The following NOD2 variants were observed in gnomAD, a reference collection of about 807,000 sequenced individuals.
NOD2 encodes the protein nucleotide-binding oligomerization domain-containing protein 2.
In NOD2, 86 loss-of-function variants were observed where a neutral mutation model predicts 90.9. The ratio of observed to expected loss-of-function variants is 0.95; its 90% CI spans 0.79 to 1.13. The LOEUF is 1.13. NOD2 is among the 50% of genes most tolerant of loss of function. The pLI is 0.00. For synonymous variants in NOD2, 581 were observed against 554.6 expected, an observed-to-expected ratio of 1.05 and a Z score of -0.67; for missense variants, 1,238 against 1,283.8, an observed-to-expected ratio of 0.96 and a Z score of 0.55.
rs977310529 is a variant in NOD2 at position 50,732,336 on chromosome 16, C to T, written c.*517C>T. On this transcript the variant is annotated 3_prime_UTR_variant, in exon 12 of 12. Transcript: ENST00000647318. ...CTGGTTCCTCCCCTCCTCCTGGACT[C>T]CTGCACACGCTCCTTCCTCTGAGGC... 2 of 180,188 alleles carry T rather than the reference C, an allele frequency of 1.1e-5. No individual in the cohort carries two copies. Among genetic ancestry groups the T allele is most frequent in the African/African-American group, 4.7e-5 (2 of 42,522 alleles). 11.2% of individuals were successfully genotyped at this position (180,188 alleles called of 1,614,324 possible). A position where few individuals can be genotyped will look rare whatever the true frequency, so the allele number is the denominator to read the frequency against.
At chr16:50,695,974 A>G (rs765104217) in intron 1 of NOD2, among the ~76,000 whole-genome samples, 2 of 152,076 alleles carry the variant, frequency 1.3e-5, no homozygotes, top group Admixed American at 6.5e-5. Flanking sequence ...GGGAGTGTCA[A>G]GAGAGTGCTT....
intron 2 of NOD2, 99 bp downstream of exon 2, chr16:50,700,053 G>T: frequency 8.4e-7 from 1 of 1,190,668 alleles, no homozygotes; most frequent in Non-Finnish European, 1.2e-6. Flanking sequence ...GGGGTAACTT[G>T]GTCCATGGGA....
intron 1 of NOD2, among the ~76,000 whole-genome samples, chr16:50,695,328 G>A (rs1012611506): frequency 6.6e-6 from 1 of 152,204 alleles, no homozygotes; most frequent in African/African-American, 2.4e-5. Context: ...GGTTTGGGGT[G>A]CAAGAGAAAG....
intron 6 of NOD2, chr16:50,719,658 G>A: frequency 1.6e-6 from 1 of 607,656 alleles, no homozygotes; most frequent in Non-Finnish European, 3.1e-6. Flanking sequence ...CACCTCCCAG[G>A]ACAGCTGCCT....
intron 2 of NOD2, among the ~76,000 whole-genome samples, chr16:50,702,077 G>T (rs986367976): frequency 6.6e-6 from 1 of 152,086 alleles, no homozygotes; most frequent in African/African-American, 2.4e-5. Context: ...TTCCAAGTAG[G>T]TGGGACACAG....
intron 6 of NOD2, among the ~76,000 whole-genome samples, chr16:50,719,363 G>A (rs1027429397): frequency 2.6e-5 from 4 of 152,166 alleles, no homozygotes; most frequent in Admixed American, 6.5e-5. Context: ...GAAGCTCTCC[G>A]AGGTGTCTGG....
chr16:50,723,601 G>A (rs894821945), intron 9 of NOD2, among the ~76,000 whole-genome samples: 1 of 152,200 alleles, frequency 6.6e-6, no homozygotes, highest in Admixed American at 6.5e-5. Flanking sequence ...AAAATATATG[G>A]GTTTGCTGGT....
intron 9 of NOD2, among the ~76,000 whole-genome samples, chr16:50,723,820 T>TA (rs1159410297): frequency 2.0e-5 from 3 of 152,186 alleles, no homozygotes; most frequent in Non-Finnish European, 4.4e-5. Context: ...GCCTGGCATA[T>TA]TTGTAAGTGC....
At chr16:50,704,537 T>TA (rs201247669) in intron 2 of NOD2, among the ~76,000 whole-genome samples, 2,759 of 151,862 alleles carry the variant, frequency 0.018, 74 homozygotes, top group African/African-American at 0.06. Flanking sequence ...AAAACCTTTT[T>TA]TTTTTTTTCT....
At position 50,706,701 on chromosome 16, in the gene NOD2, T is replaced by TC. The variant is rs200509396; in HGVS notation, c.460-1154_460-1153insC. ...AAACGTACCTTGCTATTTCTTTCTT[T>TC]TTTTTTTTTTTTTGAGACCCAGTCT... On this transcript the variant is annotated intron_variant, in intron 2 of 11. Coordinates refer to ENST00000647318, the MANE Select transcript of NOD2 (RefSeq NM_001370466.1). Among the ~76,000 whole-genome samples the TC allele has an allele frequency of 8.1e-3, 1,212 of 150,142 alleles. 21 individuals are homozygous for TC. Among genetic ancestry groups the TC allele is most frequent in the African/African-American group, 0.028 (1,172 of 41,216 alleles).
Position 50,729,873 on chromosome 16 carries a change from G to C in NOD2, c.2941G>C (p.Glu981Gln). ...LGAEALLQAL[E>Q]RNDTILEVWL... ...GGCAGAAGCCCTCCTGCAGGCCCTT[G>C]AAAGGAATGACACCATCCTGGAAGT... Residue 981 changes from glutamate (E) to glutamine (Q), a missense_variant, in exon 11 of 12, where the codon GAA (glutamate) becomes CAA (glutamine). Transcript: ENST00000647318. 6.2e-7 allele frequency: 1 copy of C among 1,612,984 alleles called. No homozygotes were observed. The highest frequency in any genetic ancestry group is 2.2e-5 in the East Asian group (1 of 44,860).
intron 6 of NOD2, 157 bp from the exon 7 acceptor site, chr16:50,719,768 G>A (rs747154891): frequency 5.3e-6 from 4 of 759,278 alleles, no homozygotes; most frequent in Non-Finnish European, 9.6e-6. Context: ...GAGCCGCTGA[G>A]TAAACTAGAC....
In NOD2 at chr16:50,716,901, A is replaced by T. The variant is rs767998441; in HGVS notation, c.2476A>T (p.Asn826Tyr). 1 of 1,614,120 alleles carries T rather than the reference A, an allele frequency of 6.2e-7. No individual in the cohort carries two copies. ...TCTGGAACTGAACAGTCTATTCAACAACAAATTGACTGACGGCTGTGCACA... is the reference window on the plus strand; with the variant it reads ...TCTGGAACTGAACAGTCTATTCAACTACAAATTGACTGACGGCTGTGCACA... ...EQLQKLALFN[N>Y]KLTDGCAHSM... is the part of the protein sequence containing the mutation. Residue 826 changes from asparagine to tyrosine, a missense_variant, in exon 6 of 12, where the codon AAC becomes TAC. Physicochemically the swap from Asn to Tyr is moderately radical, Grantham distance 143 (BLOSUM62 -2). Transcript: ENST00000647318.
chr16:50,719,569 C>T (rs765834925), intron 6 of NOD2, among the ~76,000 whole-genome samples: 14 of 152,192 alleles, frequency 9.2e-5, no homozygotes, highest in South Asian at 4.1e-4. Context: ...GCAGAGGGCA[C>T]GATGGGGTCT....
At chr16:50,723,530 T>G in intron 9 of NOD2, 146 bp downstream of exon 9, 1 of 744,976 alleles carries the variant, frequency 1.3e-6, no homozygotes, top group Admixed American at 2.0e-5. Context: ...TGTCTTTATA[T>G]GTACTGAGTG....
Position 50,699,492 on chromosome 16 carries a change from T to G in NOD2, c.-4T>G. On this transcript the variant is annotated 5_prime_UTR_variant, in exon 2 of 12. Transcript: ENST00000647318. ...TGACCTTGTTCTCCTCCCCAGGTTG[T>G]GAAATGTGCTCGCAGGAGGCTTTTC... 1 of 1,613,060 alleles carries G rather than the reference T, an allele frequency of 6.2e-7. No individual in the cohort carries two copies. The highest frequency in any genetic ancestry group is 8.5e-7 in the Non-Finnish European group (1 of 1,179,946).
intron 7 of NOD2, among the ~76,000 whole-genome samples, chr16:50,720,989 G>A (rs1965029189): frequency 6.6e-6 from 1 of 152,062 alleles, no homozygotes; most frequent in African/African-American, 2.4e-5. Flanking sequence ...ATTTTTAGTA[G>A]AGACAGGGTT....
intron 2 of NOD2, among the ~76,000 whole-genome samples, chr16:50,701,126 A>G (rs117823701): frequency 0.01 from 1,526 of 152,336 alleles, 13 homozygotes; most frequent in Middle Eastern, 0.034. Context: ...TGCTGGACCA[A>G]TTGGCCAGCA....
chr16:50,696,883 G>A (rs1486039924), intron 1 of NOD2, among the ~76,000 whole-genome samples: 1 of 152,232 alleles, frequency 6.6e-6, no homozygotes, highest in African/African-American at 2.4e-5. Context: ...GTCACTAGCT[G>A]GGGTGTGTAT....
Sources: allele counts gnomAD v4.1 joint callset (sites outside exome capture counted in the v4.1 genomes callset), GRCh38; gene constraint gnomAD v4.1.1; transcripts MANE v1.5; gene names NCBI Gene and HGNC (gene_info 2026-07-23, HGNC 2026-07-21).